The following PBXIP1 variants were observed in gnomAD, a reference collection of about 807,000 sequenced individuals.
The protein encoded by PBXIP1 is pre-B-cell leukemia transcription factor-interacting protein 1.
Under a neutral mutation model 73.7 loss-of-function variants are expected in PBXIP1, and 73 were observed. That is an observed-to-expected ratio of 0.99 (90% CI 0.82 to 1.20). The LOEUF is 1.20. Ranked by LOEUF, PBXIP1 falls within the 50% of genes most tolerant of loss-of-function variation. PBXIP1 has a pLI of 0.00. For missense variants in PBXIP1, 818 were observed against 911.4 expected, an observed-to-expected ratio of 0.90 and a Z score of 1.32; for synonymous variants, 330 against 366.9, an observed-to-expected ratio of 0.90 and a Z score of 1.15.
intron 7 of PBXIP1, 77 bp downstream of exon 7, chr1:154,947,905 A>G: frequency 6.7e-7 from 1 of 1,499,130 alleles, no homozygotes; most frequent in Non-Finnish European, 9.3e-7. Flanking sequence ...GTGAGCCCCC[A>G]GCACCCCTAC....
At chr1:154,953,630 C>G in intron 2 of PBXIP1, 41 bp downstream of exon 2, 1 of 1,415,386 alleles carries the variant, frequency 7.1e-7, no homozygotes, top group Non-Finnish European at 1.0e-6. Context: ...AGAAACACCC[C>G]CCAACCCCAC....
rs568180408 is a variant in PBXIP1, at chr1:154,947,061, A to T, written c.871-258T>A. 5.3e-5 allele frequency: 30 copies of T among 564,646 alleles called. 1 individual carries two copies. The highest frequency in any genetic ancestry group is 1.3e-4 in the African/African-American group (7 of 52,682). The allele number at this position is 564,646 out of a possible 1,614,324, so 35.0% of individuals were successfully genotyped here. A position where few individuals can be genotyped will look rare whatever the true frequency, so the allele number is the denominator to read the frequency against. ...ACACACTTCCTAGATTCACCTAAGG[A>T]TAGCCAATGTGTGGCTCTCACAGTC... On this transcript the variant is annotated intron_variant, in intron 9 of 10. Coordinates refer to ENST00000368463, the MANE Select transcript of PBXIP1 (RefSeq NM_020524.4).
rs1390164125 is a variant in PBXIP1, at chr1:154,951,065, T to C, written c.409+167A>G. 6.6e-6 allele frequency among the ~76,000 whole-genome samples: 1 copy of C among 152,240 alleles called. No individual in the cohort carries two copies. Among genetic ancestry groups the C allele is most frequent in the Non-Finnish European group, 1.5e-5 (1 of 68,036 alleles). ...CAGCAGTGTGACCTTGGTCAAGTCA[T>C]TCAACCTTTCTGGGCCTCAACGTCC... is the stretch of plus-strand genomic sequence containing the variant. On this transcript the variant is annotated intron_variant, in intron 5 of 10. Coordinates refer to ENST00000368463, the MANE Select transcript of PBXIP1 (RefSeq NM_020524.4). This position sits in a 1 kb window ranked among gnomAD's most constrained non-coding sequence, Gnocchi z 4.3.
In PBXIP1 at chr1:154,951,532, G is replaced by A. The variant is rs750007221; in HGVS notation, c.182C>T (p.Thr61Met). 59 of 1,613,454 alleles carry A rather than the reference G, an allele frequency of 3.7e-5. No homozygotes were observed. The highest frequency in any genetic ancestry group is 2.4e-4 in the African/African-American group (18 of 74,864). Residue 61 changes from threonine to methionine, a missense_variant, in exon 4 of 11, where the codon ACG becomes ATG. Physicochemically the swap from Thr to Met is moderately conservative, Grantham distance 81. Coordinates refer to ENST00000368463, the MANE Select transcript of PBXIP1 (RefSeq NM_020524.4). The surrounding 1 kb of genome is among the most constrained non-coding windows in gnomAD (Gnocchi z 4.3). ...CTGAGGGCTTTCAGTCTGGAAGAGC[G>A]TCCCTGCGGTAGGAGAAAAGGCGCA... The part of the protein sequence containing the change: ...ELAGTMDGEG[T>M]LFQTESPQSG...
intron 5 of PBXIP1, among the ~76,000 whole-genome samples, chr1:154,949,324 C>T (rs937675295): frequency 1.2e-4 from 19 of 152,014 alleles, no homozygotes; most frequent in Admixed American, 9.8e-4. Flanking sequence ...CATCATTACA[C>T]CCGGCTAATT....
chr1:154,946,012 C>T lies in PBXIP1; in HGVS notation c.1662G>A (p.Lys554=), dbSNP rs137982788. The T allele has an allele frequency of 5.5e-5, 88 of 1,614,122 alleles. No homozygotes were observed. In the African/African-American group the frequency reaches 1.0e-3, roughly 18 times the overall value. Residue 554 remains lysine, a synonymous_variant, in exon 10 of 11, where the codon AAG becomes AAA. Coordinates refer to ENST00000368463, the MANE Select transcript of PBXIP1 (RefSeq NM_020524.4). ...CTTCCCTCCACCGAGGTTGCTTCTG[C>T]TTTTCTCCAGAGGAGTGGAAGCTAC... is the stretch of plus-strand genomic sequence containing the variant. ...KSGSFHSSGE[K]QKQPRWREGT...
rs1654729126 is a variant in PBXIP1, at chr1:154,944,455, C to T, written c.*569G>A. The T allele has an allele frequency of 6.6e-6, 1 of 150,594 alleles. No homozygotes were observed. Among genetic ancestry groups the T allele is most frequent in the Admixed American group, 6.6e-5 (1 of 15,084 alleles). 9.3% of individuals were successfully genotyped at this position (150,594 alleles called of 1,614,324 possible). On this transcript the variant is annotated 3_prime_UTR_variant, in exon 11 of 11. Coordinates refer to ENST00000368463, the MANE Select transcript of PBXIP1 (RefSeq NM_020524.4). ...ACCTAGCATCATAGCTGCAACAGCA[C>T]TTTATTGGGATCTGAGTCTACAGTT... is the stretch of plus-strand genomic sequence containing the variant.
Position 154,947,706 on chromosome 1 carries a change from A to C in PBXIP1, c.674T>G (p.Met225Arg), listed in dbSNP as rs1654876243. 6.2e-7 allele frequency: 1 copy of C among 1,613,150 alleles called. No individual in the cohort carries two copies. Among genetic ancestry groups the C allele is most frequent in the African/African-American group, 1.3e-5 (1 of 74,832 alleles). Residue 225 changes from methionine to arginine, a missense_variant, in exon 8 of 11, where the codon ATG (methionine) becomes AGG (arginine). Met to Arg is a moderately conservative substitution (Grantham distance 91). Transcript: ENST00000368463. ...GAGGACCTGCCGCTCCACTTCCTCC[A>C]TGGGCCCTGTGGGAAAGGGAAACCC... Reference protein sequence around the residue: ...GGLSESETGPMEEVERQVLPD... With the variant: ...GGLSESETGPREEVERQVLPD...
chr1:154,944,685 G>C lies in PBXIP1; in HGVS notation c.*339C>G. ...GCCCACTATGGGGACATACACTCAAGAGGATGAAAGCTCTTTAGCTTCAGA... is the reference window on the plus strand; with the variant it reads ...GCCCACTATGGGGACATACACTCAACAGGATGAAAGCTCTTTAGCTTCAGA... On this transcript the variant is annotated 3_prime_UTR_variant, in exon 11 of 11. Transcript: ENST00000368463. 1 of 240,226 alleles carries C rather than the reference G, an allele frequency of 4.2e-6. No homozygotes were observed. The highest frequency in any genetic ancestry group is 8.3e-6 in the Non-Finnish European group (1 of 120,602). 14.9% of individuals were successfully genotyped at this position (240,226 alleles called of 1,614,324 possible).
chr1:154,947,594 G>C, intron 8 of PBXIP1, 46 bp from the exon 9 acceptor site: 1 of 1,608,296 alleles, frequency 6.2e-7, no homozygotes, highest in Non-Finnish European at 8.5e-7. Flanking sequence ...CACAGCCCAG[G>C]TTCTCCCCAG....
chr1:154,951,814 A>C lies in PBXIP1; in HGVS notation c.159T>G (p.Ala53=), dbSNP rs1195858720. Reference sequence around the variant, plus strand: ...CAGTACCTTCTCCATCCATGGTCCCAGCTAATTCTTTCCCATCTGTCTTGG... The same window carrying C: ...CAGTACCTTCTCCATCCATGGTCCCCGCTAATTCTTTCCCATCTGTCTTGG... The part of the protein sequence containing the change: ...SPSKTDGKEL[A]GTMDGEGTLF... Residue 53 remains alanine (A), a synonymous_variant, in exon 3 of 11, where the codon GCT becomes GCG. Coordinates refer to ENST00000368463, the MANE Select transcript of PBXIP1 (RefSeq NM_020524.4). The surrounding 1 kb of genome is among the most constrained non-coding windows in gnomAD (Gnocchi z 4.3). 6.2e-7 allele frequency: 1 copy of C among 1,613,968 alleles called. No homozygotes were observed. Among genetic ancestry groups the C allele is most frequent in the Non-Finnish European group, 8.5e-7 (1 of 1,179,914 alleles).
Position 154,946,645 on chromosome 1 carries a change from G to T in PBXIP1, c.1029C>A (p.Ala343=), listed in dbSNP as rs767936733. 6 of 1,612,344 alleles carry T rather than the reference G, an allele frequency of 3.7e-6. No individual in the cohort carries two copies. Residue 343 remains alanine (A), a synonymous_variant, in exon 10 of 11, where the codon GCC becomes GCA. Transcript: ENST00000368463. ...CCCCATCTGGGCCCCGGACACAGTC[G>T]GCCTCCAGCCCCTGGAGCCGGGCCC... The part of the protein sequence containing the change: ...QLRARLQGLE[A]DCVRGPDGVC...
intron 5 of PBXIP1, among the ~76,000 whole-genome samples, chr1:154,950,056 C>A (rs752612795): frequency 6.6e-6 from 1 of 151,678 alleles, no homozygotes; most frequent in Non-Finnish European, 1.5e-5. Context: ...ACCTCTGTAA[C>A]CCAGGCTGGA....
Position 154,951,160 on chromosome 1 carries a change from A to G in PBXIP1, c.409+72T>C. 1 of 1,397,030 alleles carries G rather than the reference A, an allele frequency of 7.2e-7. No individual in the cohort carries two copies. Among genetic ancestry groups the G allele is most frequent in the East Asian group, 2.3e-5 (1 of 43,458 alleles). 86.5% of individuals were successfully genotyped at this position (1,397,030 alleles called of 1,614,324 possible). A position where few individuals can be genotyped will look rare whatever the true frequency, so the allele number is the denominator to read the frequency against. Reference sequence around the variant, plus strand: ...AGGGCCTGGACCACAGCATGTGCTCAGTAGTGATGGCTGATCCCTCTCCCA... The same window carrying G: ...AGGGCCTGGACCACAGCATGTGCTCGGTAGTGATGGCTGATCCCTCTCCCA... On this transcript the variant is annotated intron_variant, in intron 5 of 10. Transcript: ENST00000368463. This position sits in a 1 kb window ranked among gnomAD's most constrained non-coding sequence, Gnocchi z 4.3.
rs755399976 is a variant in PBXIP1 at position 154,945,091 on chromosome 1, T to C, written c.2129A>G (p.Gln710Arg). 3 of 1,614,020 alleles carry C rather than the reference T, an allele frequency of 1.9e-6. No individual in the cohort carries two copies. The highest frequency in any genetic ancestry group is 2.5e-6 in the Non-Finnish European group (3 of 1,179,864). The change falls in exon 11 of 11, where the codon CAG becomes CGG. Residue 710 changes from glutamine to arginine, a missense_variant. Gln to Arg is a conservative substitution (Grantham distance 43). Transcript: ENST00000368463. ...KRSGKKDKHS[Q>R]SPRAAGPREG... ...CCTGGGCCCCGCAGCTCTTGGGCTCTGTGAGTGCTTGTCCTTCTTCCCTGA... is the reference window on the plus strand; with the variant it reads ...CCTGGGCCCCGCAGCTCTTGGGCTCCGTGAGTGCTTGTCCTTCTTCCCTGA...
Position 154,946,784 on chromosome 1 carries a change from T to C in PBXIP1, c.890A>G (p.Gln297Arg). 3 of 1,539,600 alleles carry C rather than the reference T, an allele frequency of 1.9e-6. No homozygotes were observed. The highest frequency in any genetic ancestry group is 2.6e-6 in the Non-Finnish European group (3 of 1,144,016). Reference protein sequence around the residue: ...AQLQAQKEELQSLMHQPKGLE... With the variant: ...AQLQAQKEELRSLMHQPKGLE... ...CCCTTTGGGCTGGTGCATCAGGCTC[T>C]GAAGCTCTTCCTTTTGGGCCTAGAA... The change falls in exon 10 of 11, where the codon CAG becomes CGG. Residue 297 changes from glutamine (Q) to arginine (R), a missense_variant. Gln to Arg is a conservative substitution (Grantham distance 43). Coordinates refer to ENST00000368463, the MANE Select transcript of PBXIP1 (RefSeq NM_020524.4).
rs1329829360 is a variant in PBXIP1 at position 154,951,418 on chromosome 1, A to G, written c.244-21T>C. The G allele has an allele frequency of 4.3e-6, 7 of 1,613,624 alleles. No individual in the cohort carries two copies. The highest frequency in any genetic ancestry group is 3.3e-5 in the Admixed American group (2 of 59,998). On this transcript the variant is annotated intron_variant, in intron 4 of 10. Coordinates refer to ENST00000368463, the MANE Select transcript of PBXIP1 (RefSeq NM_020524.4). The surrounding 1 kb of genome is among the most constrained non-coding windows in gnomAD (Gnocchi z 4.3). ...GTGCCCTAATGCAGATGCAGCAGTGAGCAGCTGCTAGCCCTCCCCGCCTCC... is the reference window on the plus strand; with the variant it reads ...GTGCCCTAATGCAGATGCAGCAGTGGGCAGCTGCTAGCCCTCCCCGCCTCC...
chr1:154,952,242 T>C (rs1355613394), intron 2 of PBXIP1, among the ~76,000 whole-genome samples: 3 of 152,146 alleles, frequency 2.0e-5, no homozygotes, highest in African/African-American at 7.2e-5. Context: ...ACAACCCAGA[T>C]ATTATAATAT....
In PBXIP1 at chr1:154,944,993, A is replaced by T; in HGVS notation, c.*31T>A. On this transcript the variant is annotated 3_prime_UTR_variant, in exon 11 of 11. Coordinates refer to ENST00000368463, the MANE Select transcript of PBXIP1 (RefSeq NM_020524.4). ...TAACGCTGGGATCTTGGGCTGGGCC[A>T]GGCCAAGGCCATTCCCTGTGGGGCA... 6.3e-7 allele frequency: 1 copy of T among 1,576,776 alleles called. No individual in the cohort carries two copies. The highest frequency in any genetic ancestry group is 8.7e-7 in the Non-Finnish European group (1 of 1,146,678).
Sources: gnomAD v4.1 joint callset for allele counts (sites outside exome capture counted in the v4.1 genomes callset) on GRCh38, gnomAD v4.1.1 for gene constraint, Gnocchi (gnomAD v3.1) non-coding constraint, MANE v1.5 for transcripts, NCBI Gene and HGNC (gene_info 2026-07-23, HGNC 2026-07-21) for gene names.